The following GLIS3 variants were observed in gnomAD, a reference collection of about 807,000 sequenced individuals.
GLIS3 encodes GLIS family zinc finger 3.
A neutral mutation model predicts 78.6 loss-of-function variants in GLIS3; 53 were observed. The ratio of observed to expected loss-of-function variants is 0.67; its 90% CI spans 0.54 to 0.85. GLIS3 has a LOEUF of 0.85. Among genes scored for constraint, GLIS3 ranks in the 40% least tolerant of loss-of-function variants. The pLI is 0.00. For missense variants in GLIS3, 1,703 were observed against 1,231.1 expected, an observed-to-expected ratio of 1.38 and a Z score of -5.74; for synonymous variants, 684 against 509.9, an observed-to-expected ratio of 1.34 and a Z score of -4.60.
chr9:3,973,856 A>G (rs538024757), intron 4 of GLIS3, among the ~76,000 whole-genome samples: 2 of 152,252 alleles, frequency 1.3e-5, no homozygotes, highest in East Asian at 3.9e-4. Flanking sequence ...AATTTTCGAC[A>G]TCTTATTTTT....
chr9:4,314,022 T>C (rs1473587807), intron 2 of GLIS3, among the ~76,000 whole-genome samples: 1 of 152,204 alleles, frequency 6.6e-6, no homozygotes, highest in East Asian at 1.9e-4. Context: ...AAAATGTAGT[T>C]AGCCATATTG....
At chr9:4,066,824 T>C (rs990184191) in intron 4 of GLIS3, among the ~76,000 whole-genome samples, 2 of 152,224 alleles carry the variant, frequency 1.3e-5, no homozygotes, top group African/African-American at 4.8e-5. Context: ...ATTGCACTGC[T>C]GCAGCAGCAT....
chr9:4,294,408 C>G (rs1266879694), intron 1 of GLIS3, among the ~76,000 whole-genome samples: 1 of 151,966 alleles, frequency 6.6e-6, no homozygotes, highest in African/African-American at 2.4e-5. Context: ...ACTTGGGAGG[C>G]TGAGGCAGGA....
chr9:4,257,734 C>A (rs10118840), intron 2 of GLIS3, among the ~76,000 whole-genome samples: 5 of 151,652 alleles, frequency 3.3e-5, no homozygotes, highest in Admixed American at 1.3e-4. Context: ...CCACCACGCC[C>A]GGCTAATTTT....
At chr9:4,219,185 C>T (rs1044242848) in intron 2 of GLIS3, among the ~76,000 whole-genome samples, 1 of 152,220 alleles carries the variant, frequency 6.6e-6, no homozygotes, top group African/African-American at 2.4e-5. Context: ...TGTCCTGAGA[C>T]ATCCATGTCC....
Position 4,257,095 on chromosome 9 carries a change from G to A in GLIS3, c.388+28943C>T, listed in dbSNP as rs538806358. Among the ~76,000 whole-genome samples, 129 of 152,284 alleles carry A rather than the reference G, an allele frequency of 8.5e-4. 1 individual carries two copies. The highest frequency in any genetic ancestry group is 3.0e-3 in the African/African-American group (124 of 41,560). On this transcript the variant is annotated intron_variant, in intron 2 of 10. Transcript: ENST00000381971. ...TATGTGTACATATGTATGCATATATGTATGTATACCACAACTTCTTTATCC... is the reference window on the plus strand; with the variant it reads ...TATGTGTACATATGTATGCATATATATATGTATACCACAACTTCTTTATCC...
the GLIS3 span, among the ~76,000 whole-genome samples, chr9:4,403,414 A>G: frequency 2.0e-5 from 3 of 152,178 alleles, no homozygotes; most frequent in Non-Finnish European, 4.4e-5. Context: ...AACACAGAAT[A>G]ATATGACACT....
intron 4 of GLIS3, among the ~76,000 whole-genome samples, chr9:4,037,990 A>G (rs530786127): frequency 2.6e-5 from 4 of 152,036 alleles, no homozygotes; most frequent in Non-Finnish European, 5.9e-5. Flanking sequence ...AAAATGTTTT[A>G]CAAGATAGCC....
chr9:4,456,371 G>T, the GLIS3 span, among the ~76,000 whole-genome samples: 2 of 152,192 alleles, frequency 1.3e-5, no homozygotes, highest in Non-Finnish European at 2.9e-5. Context: ...TGAAGTTGCT[G>T]CGTGGATGGT....
At chr9:4,350,389 A>T (rs1014912843), upstream of GLIS3, among the ~76,000 whole-genome samples, 1 of 152,134 alleles carries the variant, frequency 6.6e-6, no homozygotes, top group Admixed American at 6.5e-5. Context: ...TAAAATTTAT[A>T]TTTTTTCCTC....
chr9:4,048,076 G>A (rs768258952), intron 4 of GLIS3, among the ~76,000 whole-genome samples: 2 of 152,192 alleles, frequency 1.3e-5, no homozygotes, highest in Non-Finnish European at 2.9e-5. Flanking sequence ...CATGATTGGA[G>A]AGCCCTAAAT....
At chr9:4,402,316 G>C in the GLIS3 span, among the ~76,000 whole-genome samples, 1 of 152,244 alleles carries the variant, frequency 6.6e-6, no homozygotes, top group African/African-American at 2.4e-5. Context: ...TGAGGCCCAA[G>C]TCCTTCGAAT....
chr9:4,385,249 A>G, the GLIS3 span, among the ~76,000 whole-genome samples: 1 of 152,170 alleles, frequency 6.6e-6, no homozygotes, highest in Non-Finnish European at 1.5e-5. Context: ...GCAGCTAAAA[A>G]TTTCAAGGAT....
chr9:3,866,464 CAAA>C (rs55647640), intron 8 of GLIS3, among the ~76,000 whole-genome samples: 21,036 of 151,986 alleles, frequency 0.14, 1,804 homozygotes, highest in Non-Finnish European at 0.19. Flanking sequence ...GTCTCAGAAA[CAAA>C]AAGTAAAGGG....
chr9:4,371,813 G>A, the GLIS3 span, among the ~76,000 whole-genome samples: 4 of 152,098 alleles, frequency 2.6e-5, no homozygotes, highest in East Asian at 3.8e-4. Flanking sequence ...GGCTCCAGTT[G>A]CCCTGAAGAT....
intron 3 of GLIS3, among the ~76,000 whole-genome samples, chr9:4,122,302 C>T (rs499357): frequency 0.34 from 51,346 of 152,022 alleles, 9,134 homozygotes; most frequent in East Asian, 0.65. Context: ...ATGAAAAAGA[C>T]GGCCAGTCCT....
chr9:3,899,876 T>C (rs1823153013), intron 6 of GLIS3, among the ~76,000 whole-genome samples: 1 of 152,144 alleles, frequency 6.6e-6, no homozygotes, highest in African/African-American at 2.4e-5. Flanking sequence ...TGATAAATGC[T>C]ATGGAGAAAA....
the GLIS3 span, among the ~76,000 whole-genome samples, chr9:4,477,342 G>C: frequency 2.2e-4 from 33 of 148,216 alleles, no homozygotes; most frequent in South Asian, 4.4e-4. Flanking sequence ...TACAGAAGTA[G>C]GATGGTGTTT....
At chr9:4,281,485 A>G (rs937872962) in intron 2 of GLIS3, among the ~76,000 whole-genome samples, 1 of 152,202 alleles carries the variant, frequency 6.6e-6, no homozygotes, top group African/African-American at 2.4e-5. Context: ...CTTTCTGACT[A>G]TATGAATTTG....
Sources: allele counts gnomAD v4.1 joint callset (sites outside exome capture counted in the v4.1 genomes callset), GRCh38; gene constraint gnomAD v4.1.1; transcripts MANE v1.5; gene names NCBI Gene and HGNC (gene_info 2026-07-23, HGNC 2026-07-21).